Variants in KLHL2 observed in about 807,000 individuals in gnomAD.
KLHL2 encodes the protein kelch like family member 2, also known as kelch-like protein 2.
Under a neutral mutation model 75.8 loss-of-function variants are expected in KLHL2, and 15 were observed. The ratio of observed to expected loss-of-function variants is 0.20; its 90% CI spans 0.13 to 0.30. The LOEUF (loss-of-function observed/expected upper bound fraction) is 0.30, where lower values mean the gene tolerates loss of function less well. KLHL2 is among the 10% of genes least tolerant of loss of function. The pLI, the probability that KLHL2 is intolerant of heterozygous loss-of-function variation, is 1.00. For missense variants in KLHL2, 381 were observed against 741.0 expected (o/e 0.51, Z 5.64); for synonymous variants, 214 against 251.9 (o/e 0.85, Z 1.42).
chr4:165,228,593 C>G (rs1738638892), intron 2 of KLHL2, among the ~76,000 whole-genome samples: 1 of 152,114 alleles, frequency 6.6e-6, no homozygotes, highest in Non-Finnish European at 1.5e-5. Flanking sequence ...TTTTCAAAGG[C>G]AGGATTCTTA....
chr4:165,224,698 T>TG (rs1459438194), intron 2 of KLHL2, among the ~76,000 whole-genome samples: 1 of 152,250 alleles, frequency 6.6e-6, no homozygotes, highest in African/African-American at 2.4e-5. Context: ...GTTGCTTAGA[T>TG]GGCAAGTGAA....
intron 12 of KLHL2, among the ~76,000 whole-genome samples, 180 bp from the exon 13 acceptor site, chr4:165,313,846 G>C (rs753277617): frequency 5.3e-5 from 8 of 151,988 alleles, no homozygotes; most frequent in African/African-American, 9.7e-5. Context: ...TTGTTGAGAT[G>C]CTTATTTAAT....
At chr4:165,217,895 A>G (rs1195648889) in intron 1 of KLHL2, among the ~76,000 whole-genome samples, 2 of 152,178 alleles carry the variant, frequency 1.3e-5, no homozygotes, top group African/African-American at 4.8e-5. Context: ...ATCTCTGCCT[A>G]TCTCAAACAG....
intron 3 of KLHL2, among the ~76,000 whole-genome samples, chr4:165,234,541 T>G: frequency 6.6e-6 from 1 of 152,106 alleles, no homozygotes; most frequent in South Asian, 2.1e-4. Context: ...TAAATTCATT[T>G]TGCAATGGAT....
intron 2 of KLHL2, among the ~76,000 whole-genome samples, chr4:165,226,398 A>C (rs1329826726): frequency 6.6e-6 from 1 of 152,090 alleles, no homozygotes; most frequent in Non-Finnish European, 1.5e-5. Context: ...GCTAACTCTT[A>C]CTTGTTTTTA....
rs143591171 is a variant in KLHL2, at chr4:165,302,924, T to C, written c.922-2684T>C. Among the ~76,000 whole-genome samples the C allele has an allele frequency of 8.3e-3, 1,271 of 152,354 alleles. 21 individuals are homozygous for C. Among genetic ancestry groups the C allele is most frequent in the African/African-American group, 0.029 (1,190 of 41,582 alleles). ...TTCCTTACAAAAGGTCTTCTTTTCT[T>C]GTTCCTTCATAGCATAATTAGTATG... On this transcript the variant is annotated intron_variant, in intron 8 of 14. Transcript: ENST00000226725.
rs779678074 is a variant in KLHL2 at position 165,311,593 on chromosome 4, A to G, written c.1339+28A>G. The stretch of plus-strand genomic sequence containing the variant: ...AGGTGTTGACAGTTCTTTCAGGTAC[A>G]TGTGGCATTTTGATCCTTGAGAGTG... On this transcript the variant is annotated intron_variant, in intron 11 of 14. Transcript: ENST00000226725. 4 of 1,521,020 alleles carry G rather than the reference A, an allele frequency of 2.6e-6. No homozygotes were observed. The South Asian group carries it at 4.6e-5, about 17-fold the overall frequency. 94.2% of individuals were successfully genotyped at this position (1,521,020 alleles called of 1,614,324 possible).
chr4:165,307,301 C>T (rs942005189), intron 9 of KLHL2, among the ~76,000 whole-genome samples: 3 of 152,100 alleles, frequency 2.0e-5, no homozygotes, highest in African/African-American at 7.2e-5. Context: ...GAGTGAGACT[C>T]CGTCTCAAAA....
intron 4 of KLHL2, among the ~76,000 whole-genome samples, chr4:165,247,936 T>G (rs534599382): frequency 3.2e-4 from 49 of 152,334 alleles, no homozygotes; most frequent in African/African-American, 1.1e-3. Flanking sequence ...TTAAACCACT[T>G]AATACTTAGT....
At chr4:165,286,203 G>A (rs1744080960) in intron 5 of KLHL2, among the ~76,000 whole-genome samples, 2 of 152,140 alleles carry the variant, frequency 1.3e-5, no homozygotes, top group Non-Finnish European at 2.9e-5. Context: ...GCCCAAGGTA[G>A]TAATTAATCT....
At chr4:165,216,673 A>G (rs980339196) in intron 1 of KLHL2, among the ~76,000 whole-genome samples, 6 of 152,162 alleles carry the variant, frequency 3.9e-5, no homozygotes, top group African/African-American at 1.4e-4. Context: ...AGTTTTAGAC[A>G]TTATGCATCA....
chr4:165,259,405 G>C (rs932336809), intron 4 of KLHL2, among the ~76,000 whole-genome samples: 2 of 152,192 alleles, frequency 1.3e-5, no homozygotes, highest in Non-Finnish European at 2.9e-5. Context: ...CACCAAGCCT[G>C]CCCTGAACCT....
chr4:165,279,064 G>C, intron 5 of KLHL2: 1 of 1,519,544 alleles, frequency 6.6e-7, no homozygotes, highest in Non-Finnish European at 9.1e-7. Flanking sequence ...CTGTACAGTG[G>C]ACACCTCCAT....
intron 1 of KLHL2, chr4:165,210,127 G>A (rs1210850992): frequency 1.1e-5 from 17 of 1,551,524 alleles, no homozygotes; most frequent in Non-Finnish European, 1.4e-5. Context: ...AAGATGACCT[G>A]GACTTAAAGT....
At chr4:165,308,725 A>G (rs1745921006) in intron 9 of KLHL2, among the ~76,000 whole-genome samples, 1 of 152,184 alleles carries the variant, frequency 6.6e-6, no homozygotes, top group Non-Finnish European at 1.5e-5. Context: ...GAAAATTGCA[A>G]TGGGCAAGAT....
intron 4 of KLHL2, among the ~76,000 whole-genome samples, chr4:165,251,907 C>G (rs1262435842): frequency 6.6e-6 from 1 of 152,108 alleles, no homozygotes; most frequent in East Asian, 1.9e-4. Context: ...CCGCGCCCGG[C>G]CCCAAAGTGG....
chr4:165,307,240 G>A lies in KLHL2; in HGVS notation c.1039+1515G>A, dbSNP rs535866041. Among the ~76,000 whole-genome samples, 9 of 152,224 alleles carry A rather than the reference G, an allele frequency of 5.9e-5. No individual in the cohort carries two copies. The South Asian group carries it at 1.0e-3, about 18-fold the overall frequency. On this transcript the variant is annotated intron_variant, in intron 9 of 14. Coordinates refer to ENST00000226725, the MANE Select transcript of KLHL2 (RefSeq NM_007246.4). ...GGAGAATCGCTTGAACCTGGGAGGC[G>A]GAGGTTGCAGTGAGCCAAGACCTCG...
chr4:165,259,972 T>C (rs1465963275), intron 4 of KLHL2, among the ~76,000 whole-genome samples: 7 of 151,870 alleles, frequency 4.6e-5, no homozygotes, highest in African/African-American at 1.5e-4. Context: ...TGAGTGGTTT[T>C]GATCATGGGA....
intron 5 of KLHL2, among the ~76,000 whole-genome samples, chr4:165,270,271 C>G (rs1742582679): frequency 6.6e-6 from 1 of 152,144 alleles, no homozygotes; most frequent in African/African-American, 2.4e-5. Flanking sequence ...AGAACGTGCT[C>G]CTTTAGCTCA....
Sources: allele counts gnomAD v4.1 joint callset (sites outside exome capture counted in the v4.1 genomes callset), GRCh38; gene constraint gnomAD v4.1.1; transcripts MANE v1.5; gene names NCBI Gene and HGNC (gene_info 2026-07-23, HGNC 2026-07-21).